The following WWOX variants were observed in gnomAD, a reference collection of about 807,000 sequenced individuals.
WWOX encodes the protein WW domain-containing oxidoreductase.
In WWOX, 69 loss-of-function variants were observed where a neutral mutation model predicts 46.2. That is an observed-to-expected ratio of 1.49 (90% confidence interval 1.23 to 1.82). The LOEUF (loss-of-function observed/expected upper bound fraction) is 1.82, where lower values mean the gene tolerates loss of function less well. Ranked by LOEUF, WWOX falls within the 40% of genes most tolerant of loss-of-function variation. The pLI is 0.00. For synonymous variants in WWOX, 359 were observed against 202.6 expected, an observed-to-expected ratio of 1.77 and a Z score of -6.56; for missense variants, 919 against 542.6, an observed-to-expected ratio of 1.69 and a Z score of -6.89.
rs374218159 is a variant in WWOX, at chr16:78,619,662, C to T, written c.1056+186910C>T. 3.9e-4 allele frequency among the ~76,000 whole-genome samples: 59 copies of T among 151,842 alleles called. No individual in the cohort carries two copies. In the Middle Eastern group the frequency reaches 0.01, roughly 26 times the overall value. ...GCTCATGTCTGTAAAGCCAGCACTT[C>T]GGGAGTCCAAGGTAGGAGGGTCACT... On this transcript the variant is annotated intron_variant, in intron 8 of 8. Transcript: ENST00000566780.
rs566329150 is a variant in WWOX at position 78,581,580 on chromosome 16, T to C, written c.1056+148828T>C. ...TAGATTTATTGTGAACCTCTAGGAATGTTTTTTTTAACCAGTAAATGCACT... is the reference window on the plus strand; with the variant it reads ...TAGATTTATTGTGAACCTCTAGGAACGTTTTTTTTAACCAGTAAATGCACT... On this transcript the variant is annotated intron_variant, in intron 8 of 8. Transcript: ENST00000566780. 2.0e-5 allele frequency among the ~76,000 whole-genome samples: 3 copies of C among 152,320 alleles called. No individual in the cohort carries two copies. The South Asian group carries it at 6.2e-4, about 32-fold the overall frequency.
chr16:79,137,074 G>T (rs77483705), intron 8 of WWOX, among the ~76,000 whole-genome samples: 2,455 of 152,234 alleles, frequency 0.016, 53 homozygotes, highest in African/African-American at 0.056. Context: ...CCATCTGCCA[G>T]CTAATTCCGG....
chr16:79,088,031 T>C (rs1597363228), intron 8 of WWOX, among the ~76,000 whole-genome samples: 1 of 152,196 alleles, frequency 6.6e-6, no homozygotes, highest in South Asian at 2.1e-4. Flanking sequence ...TTTTGCTTCC[T>C]ATGAAATTGG....
chr16:78,234,567 C>T (rs755727027), intron 5 of WWOX, among the ~76,000 whole-genome samples: 4 of 152,080 alleles, frequency 2.6e-5, no homozygotes, highest in South Asian at 2.1e-4. Flanking sequence ...TCTTTAGAAC[C>T]GAAGTATTTG....
rs148937526 is a variant in WWOX, at chr16:78,109,067, G to A, written c.172+580G>A. Among the ~76,000 whole-genome samples, 14 of 152,232 alleles carry A rather than the reference G, an allele frequency of 9.2e-5. No homozygotes were observed. In the East Asian group the frequency reaches 2.1e-3, roughly 23 times the overall value. On this transcript the variant is annotated intron_variant, in intron 2 of 8. Transcript: ENST00000566780. ...TCACAGTTTATGATGTTTTCCTATC[G>A]TTGCAGTGTTTATAAAATTGTTCTT...
In WWOX at chr16:78,973,714, G is replaced by A. The variant is rs188061889; in HGVS notation, c.1057-237894G>A. ...AAAGTTTAAAGCTTGAGTTCAATTT[G>A]AGTAATTTGTTCCCAGAGAAAAAGT... On this transcript the variant is annotated intron_variant, in intron 8 of 8. Coordinates refer to ENST00000566780, the MANE Select transcript of WWOX (RefSeq NM_016373.4). 4.9e-4 allele frequency among the ~76,000 whole-genome samples: 75 copies of A among 152,216 alleles called. No individual in the cohort carries two copies. The East Asian group carries it at 0.013, about 27-fold the overall frequency.
intron 8 of WWOX, among the ~76,000 whole-genome samples, chr16:78,847,624 G>A (rs942669897): frequency 1.3e-5 from 2 of 151,994 alleles, no homozygotes; most frequent in African/African-American, 4.8e-5. Flanking sequence ...TTGAGCCACT[G>A]CATCTAGCCA....
chr16:78,850,900 C>T (rs1244652310), intron 8 of WWOX, among the ~76,000 whole-genome samples: 1 of 152,164 alleles, frequency 6.6e-6, no homozygotes, highest in Non-Finnish European at 1.5e-5. Flanking sequence ...TTTCTGTGAT[C>T]ACTTATTGAT....
intron 8 of WWOX, among the ~76,000 whole-genome samples, chr16:78,707,500 G>A (rs1478862992): frequency 2.6e-5 from 4 of 152,150 alleles, no homozygotes; most frequent in Non-Finnish European, 5.9e-5. Context: ...GGTTTGCTTT[G>A]GAAAAGTCTG....
At chr16:78,109,409 C>T (rs535974939) in intron 2 of WWOX, among the ~76,000 whole-genome samples, 4 of 152,228 alleles carry the variant, frequency 2.6e-5, no homozygotes, top group Admixed American at 6.5e-5. Flanking sequence ...AATGGCCGTG[C>T]CCTCTAATGT....
intron 8 of WWOX, among the ~76,000 whole-genome samples, chr16:78,836,326 T>G (rs1408360239): frequency 1.3e-5 from 2 of 152,170 alleles, no homozygotes; most frequent in Admixed American, 1.3e-4. Context: ...TAAAACCTTA[T>G]GCTCCATTTG....
At chr16:78,850,334 C>G (rs529917456) in intron 8 of WWOX, among the ~76,000 whole-genome samples, 6 of 152,164 alleles carry the variant, frequency 3.9e-5, no homozygotes, top group Non-Finnish European at 8.8e-5. Context: ...AGTTATAATA[C>G]ATTGATACTA....
intron 8 of WWOX, among the ~76,000 whole-genome samples, chr16:78,492,825 A>G (rs1203692440): frequency 1.3e-5 from 2 of 152,114 alleles, no homozygotes; most frequent in Non-Finnish European, 2.9e-5. Context: ...TGGGGGCCTC[A>G]TGCCTGCTAG....
intron 8 of WWOX, among the ~76,000 whole-genome samples, chr16:79,189,447 GT>G (rs1255231512): frequency 1.4e-5 from 2 of 146,264 alleles, no homozygotes; most frequent in East Asian, 4.0e-4. Flanking sequence ...GTGTGTGTGT[GT>G]GTGTGTGTGT....
chr16:78,799,729 G>C (rs963779649), intron 8 of WWOX, among the ~76,000 whole-genome samples: 2 of 152,124 alleles, frequency 1.3e-5, no homozygotes, highest in African/African-American at 4.8e-5. Flanking sequence ...CTTCTCTAAA[G>C]AAAGTACACA....
intron 8 of WWOX, among the ~76,000 whole-genome samples, chr16:78,483,632 G>C (rs2084552621): frequency 1.3e-5 from 2 of 152,068 alleles, no homozygotes; most frequent in African/African-American, 4.8e-5. Context: ...ACTGTGGGCT[G>C]CATCGCTTAC....
chr16:79,008,898 C>G (rs1014932739), intron 8 of WWOX, among the ~76,000 whole-genome samples: 1 of 152,230 alleles, frequency 6.6e-6, no homozygotes, highest in South Asian at 2.1e-4. Flanking sequence ...GCAGCGCACA[C>G]ACACAAAGGC....
rs532204535 is a variant in WWOX at position 78,983,648 on chromosome 16, G to C, written c.1057-227960G>C. On this transcript the variant is annotated intron_variant, in intron 8 of 8. Coordinates refer to ENST00000566780, the MANE Select transcript of WWOX (RefSeq NM_016373.4). ...GTTAGATTTGGCCTTGTGACTTCCA[G>C]CCAATGGAATCGGCTGCAGGATGAA... 1.2e-4 allele frequency among the ~76,000 whole-genome samples: 18 copies of C among 152,204 alleles called. No homozygotes were observed. In the South Asian group the frequency reaches 3.5e-3, roughly 30 times the overall value.
intron 8 of WWOX, among the ~76,000 whole-genome samples, chr16:78,573,666 C>G (rs548401974): frequency 6.6e-6 from 1 of 152,296 alleles, no homozygotes; most frequent in African/African-American, 2.4e-5. Flanking sequence ...GAATACACTT[C>G]TGTAGACAGC....
Sources: gnomAD v4.1 joint callset for allele counts (sites outside exome capture counted in the v4.1 genomes callset) on GRCh38, gnomAD v4.1.1 for gene constraint, MANE v1.5 for transcripts, NCBI Gene and HGNC (gene_info 2026-07-23, HGNC 2026-07-21) for gene names.